Variants in PCNX1 observed in about 807,000 individuals in gnomAD.
PCNX1 encodes pecanex-like protein 1.
Under a neutral mutation model 242.2 loss-of-function variants are expected in PCNX1, and 78 were observed. That is an observed-to-expected ratio of 0.32 (90% CI 0.27 to 0.39). The LOEUF is 0.39. Among genes scored for constraint, PCNX1 ranks in the 10% least tolerant of loss-of-function variants. The pLI, the probability that PCNX1 is intolerant of heterozygous loss-of-function variation, is 1.00. For missense variants in PCNX1, 2,581 were observed against 2,856.5 expected, an observed-to-expected ratio of 0.90 and a Z score of 2.20; for synonymous variants, 1,024 against 1,032.9, an observed-to-expected ratio of 0.99 and a Z score of 0.17.
At chr14:71,086,849 C>T (rs1007389287) in intron 28 of PCNX1, among the ~76,000 whole-genome samples, 3 of 152,166 alleles carry the variant, frequency 2.0e-5, no homozygotes, top group Non-Finnish European at 2.9e-5. Flanking sequence ...AGGGCTACCT[C>T]ATTTGTTTCC....
chr14:71,080,666 CTCTG>C (rs996088593), intron 28 of PCNX1, among the ~76,000 whole-genome samples: 4 of 151,756 alleles, frequency 2.6e-5, no homozygotes, highest in African/African-American at 4.8e-5. Flanking sequence ...TGATTTGGCC[CTCTG>C]TCTGTTATTG....
chr14:71,002,880 T>C (rs1289975383), intron 8 of PCNX1, among the ~76,000 whole-genome samples: 1 of 152,152 alleles, frequency 6.6e-6, no homozygotes, highest in Non-Finnish European at 1.5e-5. Context: ...CTTGCCAACA[T>C]TTGCTTTTGT....
intron 6 of PCNX1, among the ~76,000 whole-genome samples, chr14:70,978,964 A>G (rs1194154263): frequency 1.3e-5 from 2 of 152,180 alleles, no homozygotes; most frequent in Non-Finnish European, 2.9e-5. Flanking sequence ...CTTCCTTTGT[A>G]TAGCAATAGC....
intron 1 of PCNX1, among the ~76,000 whole-genome samples, chr14:70,945,628 C>A (rs1047293775): frequency 1.3e-5 from 2 of 151,864 alleles, no homozygotes; most frequent in Non-Finnish European, 2.9e-5. Flanking sequence ...ACCTGTCTGG[C>A]CCATAAAGAC....
intron 2 of PCNX1, among the ~76,000 whole-genome samples, chr14:70,954,997 T>TG (rs1296023373): frequency 6.6e-6 from 1 of 152,218 alleles, no homozygotes; most frequent in Non-Finnish European, 1.5e-5. Flanking sequence ...TCACTGTGCG[T>TG]GGTACATTGT....
Position 71,112,461 on chromosome 14 carries a change from T to A in PCNX1, c.*2526T>A, listed in dbSNP as rs866429547. The A allele has an allele frequency of 2.0e-5, 3 of 152,120 alleles. No homozygotes were observed. Among genetic ancestry groups the A allele is most frequent in the Non-Finnish European group, 2.9e-5 (2 of 67,932 alleles). 9.4% of individuals were successfully genotyped at this position (152,120 alleles called of 1,614,324 possible). On this transcript the variant is annotated 3_prime_UTR_variant, in exon 36 of 36. Transcript: ENST00000304743. ...GTTGTTTTTCTTAAGAGTCTAAAACTGACAATCTTTTAAAAATCATAATAC... is the reference window on the plus strand; with the variant it reads ...GTTGTTTTTCTTAAGAGTCTAAAACAGACAATCTTTTAAAAATCATAATAC...
At chr14:71,072,627 ATTAC>A (rs2061612364) in intron 26 of PCNX1, among the ~76,000 whole-genome samples, 1 of 152,194 alleles carries the variant, frequency 6.6e-6, no homozygotes, top group Non-Finnish European at 1.5e-5. Flanking sequence ...ATGTATTAAT[ATTAC>A]TTTTAAAGAA....
chr14:70,930,097 T>C lies in PCNX1; in HGVS notation c.154-16818T>C, dbSNP rs576851210. Among the ~76,000 whole-genome samples, 6 of 152,204 alleles carry C rather than the reference T, an allele frequency of 3.9e-5. No individual in the cohort carries two copies. The East Asian group carries it at 1.2e-3, about 29-fold the overall frequency. ...TGCCCTTTCTTCTCATGCATGTGTGTGTGCCTGTGCATATGTTGTGTGTGT... is the reference window on the plus strand; with the variant it reads ...TGCCCTTTCTTCTCATGCATGTGTGCGTGCCTGTGCATATGTTGTGTGTGT... On this transcript the variant is annotated intron_variant, in intron 1 of 35. Transcript: ENST00000304743.
intron 16 of PCNX1, 85 bp downstream of exon 16, chr14:71,028,876 T>G: frequency 1.4e-6 from 1 of 735,448 alleles, no homozygotes; most frequent in Non-Finnish European, 2.3e-6. Context: ...TAATGATTTC[T>G]TCCCCTGGTA....
chr14:71,032,111 CAA>C (rs2060403936), intron 16 of PCNX1: 2 of 590,618 alleles, frequency 3.4e-6, no homozygotes, highest in Admixed American at 2.6e-5. Context: ...GCAGGTCGCT[CAA>C]GAGAGGGTCT....
chr14:71,008,809 T>C (rs2059741560), intron 8 of PCNX1, among the ~76,000 whole-genome samples: 3 of 152,148 alleles, frequency 2.0e-5, no homozygotes, highest in Admixed American at 6.5e-5. Flanking sequence ...CGTGGAAATT[T>C]ATATTAATTA....
intron 24 of PCNX1, among the ~76,000 whole-genome samples, chr14:71,055,011 A>G (rs2061142084): frequency 1.3e-5 from 2 of 152,232 alleles, no homozygotes; most frequent in South Asian, 4.1e-4. Flanking sequence ...TGTAAAAAGC[A>G]AATAACAGCT....
chr14:70,989,534 A>ATTT lies in PCNX1; in HGVS notation c.2444+854_2444+856dup, dbSNP rs34767376. On this transcript the variant is annotated intron_variant, in intron 7 of 35. Coordinates refer to ENST00000304743, the MANE Select transcript of PCNX1 (RefSeq NM_014982.3). ...TTTAAGAATACAAAAACAGATATAAATTTTTTTTTTTTTTTTTTTTTGAGA... is the reference window on the plus strand; with the variant it reads ...TTTAAGAATACAAAAACAGATATAAATTTTTTTTTTTTTTTTTTTTTTTTGAGA... 4.6e-3 allele frequency among the ~76,000 whole-genome samples: 577 copies of ATTT among 126,300 alleles called. 5 individuals carry two copies. The highest frequency in any genetic ancestry group is 5.7e-3 in the Non-Finnish European group (351 of 61,900). 82.9% of individuals were successfully genotyped at this position (126,300 alleles called of 152,430 possible).
chr14:71,068,695 A>G (rs1201482954), intron 26 of PCNX1, among the ~76,000 whole-genome samples: 1 of 137,240 alleles, frequency 7.3e-6, no homozygotes, highest in Non-Finnish European at 1.5e-5. Context: ...TTATGTGAAC[A>G]TATACATGCA....
At position 71,031,660 on chromosome 14, in the gene PCNX1, G is replaced by A. The variant is rs963011674; in HGVS notation, c.3559-1769G>A. The A allele has an allele frequency of 2.4e-4, 166 of 695,030 alleles. 1 individual carries two copies. The highest frequency in any genetic ancestry group is 3.7e-4 in the Non-Finnish European group (141 of 378,120). 43.1% of individuals were successfully genotyped at this position (695,030 alleles called of 1,614,324 possible). A position where few individuals can be genotyped will look rare whatever the true frequency, so the allele number is the denominator to read the frequency against. ...CTCTGTGGGTGGGACGTCTCTCACC[G>A]TCAGTAGGTCCTGCTCACGTCTGTA... On this transcript the variant is annotated intron_variant, in intron 16 of 35. Transcript: ENST00000304743.
chr14:71,033,655 T>G, intron 17 of PCNX1, 117 bp downstream of exon 17: 1 of 615,366 alleles, frequency 1.6e-6, no homozygotes. Flanking sequence ...TGGCCTAATC[T>G]ATATTAAGTT....
At chr14:70,960,906 C>T (rs913209632) in intron 2 of PCNX1, among the ~76,000 whole-genome samples, 6 of 152,068 alleles carry the variant, frequency 3.9e-5, no homozygotes, top group Non-Finnish European at 4.4e-5. Context: ...GAATGAACTC[C>T]CATTCACAAT....
At chr14:71,038,612 A>C (rs1483750348) in intron 19 of PCNX1, among the ~76,000 whole-genome samples, 1 of 151,212 alleles carries the variant, frequency 6.6e-6, no homozygotes, top group East Asian at 1.9e-4. Flanking sequence ...GAACACTTTT[A>C]CACTGTTGGT....
At chr14:70,968,166 T>A in intron 3 of PCNX1, 32 bp from the exon 4 acceptor site, 2 of 1,542,606 alleles carry the variant, frequency 1.3e-6, no homozygotes, top group Non-Finnish European at 1.8e-6. Flanking sequence ...AGCATTTTAA[T>A]TAGTTTTATT....
Sources: gnomAD v4.1 joint callset for allele counts (sites outside exome capture counted in the v4.1 genomes callset) on GRCh38, gnomAD v4.1.1 for gene constraint, MANE v1.5 for transcripts, NCBI Gene and HGNC (gene_info 2026-07-23, HGNC 2026-07-21) for gene names.